The following HADHB variants were observed in gnomAD, a reference collection of about 807,000 sequenced individuals.
HADHB encodes the protein hydroxyacyl-CoA dehydrogenase trifunctional multienzyme complex subunit beta.
In HADHB, 50 loss-of-function variants were observed where a neutral mutation model predicts 61.9. The ratio of observed to expected loss-of-function variants is 0.81; its 90% CI spans 0.64 to 1.02. The LOEUF (loss-of-function observed/expected upper bound fraction) is 1.02, where lower values mean the gene tolerates loss of function less well. Among genes scored for constraint, HADHB ranks in the 50% least tolerant of loss-of-function variants. HADHB has a pLI of 0.00. For missense variants in HADHB, 504 were observed against 586.5 expected, an observed-to-expected ratio of 0.86 and a Z score of 1.45; for synonymous variants, 191 against 201.6, an observed-to-expected ratio of 0.95 and a Z score of 0.45.
chr2:26,276,718 G>A (rs1672544894), intron 6 of HADHB, among the ~76,000 whole-genome samples: 1 of 152,118 alleles, frequency 6.6e-6, no homozygotes, highest in South Asian at 2.1e-4. Context: ...GTCTTTAATA[G>A]GTTCTTTTAA....
intron 3 of HADHB, chr2:26,261,216 C>CT (rs1558346156): frequency 1.1e-5 from 5 of 473,410 alleles, no homozygotes; most frequent in Admixed American, 7.3e-5. Flanking sequence ...ACAAATACCC[C>CT]CCCCCCATCC....
chr2:26,246,702 C>G (rs555151710), intron 1 of HADHB, among the ~76,000 whole-genome samples: 2 of 152,234 alleles, frequency 1.3e-5, no homozygotes, highest in African/African-American at 2.4e-5. Flanking sequence ...TTGTAGTTTG[C>G]CAATCCCTGA....
chr2:26,290,177 A>G lies in HADHB; in HGVS notation c.*224A>G, dbSNP rs1439288899. 1 of 581,298 alleles carries G rather than the reference A, an allele frequency of 1.7e-6. No homozygotes were observed. The highest frequency in any genetic ancestry group is 3.1e-6 in the Non-Finnish European group (1 of 323,530). 36.0% of individuals were successfully genotyped at this position (581,298 alleles called of 1,614,324 possible). ...GATTTCTAAGCCACCAGAATCTCACATGAGATGTGTGGGTGGTTGTTTTTG... is the reference window on the plus strand; with the variant it reads ...GATTTCTAAGCCACCAGAATCTCACGTGAGATGTGTGGGTGGTTGTTTTTG... On this transcript the variant is annotated 3_prime_UTR_variant, in exon 16 of 16. Transcript: ENST00000317799.
intron 7 of HADHB, 42 bp downstream of exon 7, chr2:26,277,202 C>G (rs773469674): frequency 3.1e-5 from 28 of 907,264 alleles, no homozygotes; most frequent in Non-Finnish European, 4.7e-5. Flanking sequence ...TAATTATTCT[C>G]CTTTGTCTTT....
At chr2:26,282,213 T>A (rs1672819499) in intron 10 of HADHB, among the ~76,000 whole-genome samples, 2 of 151,918 alleles carry the variant, frequency 1.3e-5, no homozygotes, top group Admixed American at 6.6e-5. Flanking sequence ...AAACTTTGGC[T>A]TAAATAAGTG....
chr2:26,255,870 T>C (rs527959981), intron 3 of HADHB, among the ~76,000 whole-genome samples: 1 of 152,224 alleles, frequency 6.6e-6, no homozygotes. Context: ...CCATAAATAA[T>C]TCCTGTCTGT....
intron 6 of HADHB, among the ~76,000 whole-genome samples, chr2:26,274,515 C>T (rs979705281): frequency 1.3e-5 from 2 of 152,204 alleles, no homozygotes; most frequent in African/African-American, 4.8e-5. Context: ...AGTATTTGTT[C>T]TGTTCCACCT....
intron 14 of HADHB, 47 bp downstream of exon 14, chr2:26,285,004 A>G (rs1322195488): frequency 1.1e-6 from 1 of 930,416 alleles, no homozygotes; most frequent in Non-Finnish European, 1.8e-6. Context: ...AAGCACGTTA[A>G]TAATTGGATC....
At chr2:26,271,659 G>T (rs1161878554) in intron 5 of HADHB, among the ~76,000 whole-genome samples, 1 of 152,048 alleles carries the variant, frequency 6.6e-6, no homozygotes, top group Non-Finnish European at 1.5e-5. Flanking sequence ...AGCTAGGCAT[G>T]GTGTCTTACA....
intron 8 of HADHB, 62 bp downstream of exon 8, chr2:26,278,863 G>C: frequency 2.3e-6 from 3 of 1,312,250 alleles, no homozygotes; most frequent in Non-Finnish European, 3.3e-6. Context: ...TGGCAGTGTG[G>C]ACTCTGCTAT....
At chr2:26,273,613 G>A (rs1672433252) in intron 5 of HADHB, 38 bp from the exon 6 acceptor site, 2 of 1,108,232 alleles carry the variant, frequency 1.8e-6, no homozygotes, top group East Asian at 4.7e-5. Context: ...CTGCCTTGAT[G>A]TGTGAAATGT....
rs111315838 is a variant in HADHB, at chr2:26,253,912, G to C, written c.-8-335G>C. 7.3e-3 allele frequency among the ~76,000 whole-genome samples: 955 copies of C among 130,822 alleles called. 8 individuals carry two copies. The highest frequency in any genetic ancestry group is 0.024 in the African/African-American group (893 of 37,194). 85.8% of individuals were successfully genotyped at this position (130,822 alleles called of 152,430 possible). On this transcript the variant is annotated intron_variant, in intron 1 of 15. Coordinates refer to ENST00000317799, the MANE Select transcript of HADHB (RefSeq NM_000183.3). Reference sequence around the variant, plus strand: ...AATAAATAAATAAATAAAAATTCCAGCTCTGCCACTCACTAGTTGTAGGTC... The same window carrying C: ...AATAAATAAATAAATAAAAATTCCACCTCTGCCACTCACTAGTTGTAGGTC...
chr2:26,249,609 C>CT (rs1671320533), intron 1 of HADHB, among the ~76,000 whole-genome samples: 1 of 151,938 alleles, frequency 6.6e-6, no homozygotes, highest in Admixed American at 6.6e-5. Flanking sequence ...CAGGACTCTT[C>CT]TTTTTCCAGA....
intron 5 of HADHB, among the ~76,000 whole-genome samples, chr2:26,272,445 A>G (rs1312309707): frequency 6.6e-6 from 1 of 151,056 alleles, no homozygotes; most frequent in Non-Finnish European, 1.5e-5. Context: ...TCCCAGGTTC[A>G]AGCAATTCTC....
intron 4 of HADHB, among the ~76,000 whole-genome samples, chr2:26,269,106 G>A (rs1332085496): frequency 6.6e-6 from 1 of 150,630 alleles, no homozygotes; most frequent in Non-Finnish European, 1.5e-5. Flanking sequence ...CTGAGATTGC[G>A]CCATTGCACT....
chr2:26,251,321 C>T (rs541941577), intron 1 of HADHB, among the ~76,000 whole-genome samples: 78 of 151,780 alleles, frequency 5.1e-4, no homozygotes, highest in African/African-American at 1.5e-3. Flanking sequence ...TGAGTAGCTG[C>T]GACTACAGGC....
At chr2:26,254,140 A>T in intron 1 of HADHB, 107 bp from the exon 2 acceptor site, 2 of 723,008 alleles carry the variant, frequency 2.8e-6, no homozygotes, top group South Asian at 3.1e-5. Context: ...ATTAAGTTTT[A>T]ATGTTTTCTA....
Position 26,280,469 on chromosome 2 carries a change from G to C in HADHB, c.933+354G>C, listed in dbSNP as rs906054934. 2.0e-5 allele frequency among the ~76,000 whole-genome samples: 3 copies of C among 152,220 alleles called. No homozygotes were observed. The South Asian group carries it at 6.2e-4, about 31-fold the overall frequency. On this transcript the variant is annotated intron_variant, in intron 10 of 15. Transcript: ENST00000317799. Reference sequence around the variant, plus strand: ...TTAGGTCGAACCCCTGACCCAGATGGGGGGACAGTCAGAGAGTCTTCTTGG... The same window carrying C: ...TTAGGTCGAACCCCTGACCCAGATGCGGGGACAGTCAGAGAGTCTTCTTGG...
chr2:26,272,408 C>A (rs1162920138), intron 5 of HADHB, among the ~76,000 whole-genome samples: 3 of 149,136 alleles, frequency 2.0e-5, no homozygotes, highest in Non-Finnish European at 4.4e-5. Context: ...TGCAGTGGCA[C>A]GATCTCGGCT....
Sources: allele counts gnomAD v4.1 joint callset (sites outside exome capture counted in the v4.1 genomes callset), GRCh38; gene constraint gnomAD v4.1.1; transcripts MANE v1.5; gene names NCBI Gene and HGNC (gene_info 2026-07-23, HGNC 2026-07-21).